The following MED27 variants were observed in gnomAD, a reference collection of about 807,000 sequenced individuals.
MED27 encodes mediator complex subunit 27, also known as mediator of RNA polymerase II transcription subunit 27.
A neutral mutation model predicts 38.2 loss-of-function variants in MED27; 30 were observed. That is an observed-to-expected ratio of 0.79 (90% confidence interval 0.59 to 1.07). The LOEUF (loss-of-function observed/expected upper bound fraction) is 1.07, where lower values mean the gene tolerates loss of function less well. MED27 is among the 50% of genes least tolerant of loss of function. The probability of loss-of-function intolerance (pLI) is 0.00; values close to 1 mark genes in which losing one functional copy is unlikely to be tolerated. For missense variants in MED27, 289 were observed against 397.5 expected, an observed-to-expected ratio of 0.73 and a Z score of 2.32; for synonymous variants, 122 against 153.5, an observed-to-expected ratio of 0.79 and a Z score of 1.52.
Position 131,949,738 on chromosome 9 carries a change from C to T in MED27, c.480-10264G>A, listed in dbSNP as rs1190424813. The stretch of plus-strand genomic sequence containing the variant: ...TATTCATGCAGTGCCTAAGTGAGCT[C>T]AGGGATGCAGTGATGACTAAGGCAG... On this transcript the variant is annotated intron_variant, in intron 3 of 7. Coordinates refer to ENST00000292035, the MANE Select transcript of MED27 (RefSeq NM_004269.4). Among the ~76,000 whole-genome samples the T allele has an allele frequency of 5.9e-5, 9 of 152,252 alleles. No individual in the cohort carries two copies. In the Middle Eastern group the frequency reaches 0.014, roughly 230 times the overall value.
chr9:131,927,566 T>A (rs1016532881), intron 4 of MED27, among the ~76,000 whole-genome samples: 1 of 152,186 alleles, frequency 6.6e-6, no homozygotes, highest in Admixed American at 6.5e-5. Context: ...TCTCCTCTCC[T>A]AAGAGTGAAC....
chr9:131,921,725 C>T (rs1304983020), intron 4 of MED27, among the ~76,000 whole-genome samples: 1 of 152,154 alleles, frequency 6.6e-6, no homozygotes, highest in Non-Finnish European at 1.5e-5. Flanking sequence ...CACATGCACA[C>T]GTATGTTTAC....
At chr9:131,890,773 C>A (rs1221698207) in intron 5 of MED27, among the ~76,000 whole-genome samples, 1 of 152,144 alleles carries the variant, frequency 6.6e-6, no homozygotes. Flanking sequence ...CTGTGGGCAA[C>A]GTTACCATTC....
intron 3 of MED27, among the ~76,000 whole-genome samples, chr9:131,978,567 T>G (rs1831660362): frequency 6.6e-6 from 1 of 152,216 alleles, no homozygotes; most frequent in Non-Finnish European, 1.5e-5. Context: ...ATATCTTAGA[T>G]TTGCTTTGAA....
intron 2 of MED27, chr9:132,032,197 C>A (rs1237625041): frequency 6.6e-6 from 1 of 152,168 alleles, no homozygotes; most frequent in Non-Finnish European, 1.5e-5. Context: ...GAACGTAATG[C>A]CAACCACCTT....
chr9:132,014,516 A>G (rs548421230), intron 2 of MED27, 49 bp from the exon 3 acceptor site: 27 of 1,585,482 alleles, frequency 1.7e-5, no homozygotes, highest in Admixed American at 3.5e-5. Context: ...CATTTGGTAA[A>G]AGTAGGACAA....
intron 4 of MED27, among the ~76,000 whole-genome samples, chr9:131,938,673 C>CG (rs1830725570): frequency 6.6e-6 from 1 of 152,004 alleles, no homozygotes; most frequent in Non-Finnish European, 1.5e-5. Context: ...TCTTCAAATA[C>CG]ATAATATTCT....
intron 4 of MED27, among the ~76,000 whole-genome samples, chr9:131,938,874 C>T (rs966268191): frequency 4.6e-5 from 7 of 151,994 alleles, no homozygotes; most frequent in Admixed American, 2.0e-4. Context: ...CCACCACACC[C>T]GGCTAATATT....
At chr9:131,943,068 A>G (rs1013109471) in intron 3 of MED27, among the ~76,000 whole-genome samples, 8 of 152,172 alleles carry the variant, frequency 5.3e-5, no homozygotes, top group Non-Finnish European at 1.2e-4. Context: ...AAACTCAAAG[A>G]CTGTATGAAG....
chr9:131,878,388 A>G (rs928412119), intron 6 of MED27, among the ~76,000 whole-genome samples: 3 of 152,230 alleles, frequency 2.0e-5, no homozygotes, highest in Non-Finnish European at 2.9e-5. Flanking sequence ...ATGACCCACC[A>G]TGCACAATCC....
At chr9:131,900,234 TC>T (rs1481599972) in intron 4 of MED27, among the ~76,000 whole-genome samples, 1 of 152,162 alleles carries the variant, frequency 6.6e-6, no homozygotes, top group Admixed American at 6.5e-5. Context: ...AGCCCCCCCA[TC>T]AGGTCAGCTG....
At chr9:131,959,188 G>C (rs1212747205) in intron 3 of MED27, among the ~76,000 whole-genome samples, 2 of 152,210 alleles carry the variant, frequency 1.3e-5, no homozygotes, top group South Asian at 4.1e-4. Flanking sequence ...AAGTAGGTGA[G>C]TTACTGGGCT....
intron 2 of MED27, among the ~76,000 whole-genome samples, chr9:132,057,817 A>G (rs1466415545): frequency 6.6e-6 from 1 of 152,188 alleles, no homozygotes; most frequent in African/African-American, 2.4e-5. Flanking sequence ...CGTGGTGACA[A>G]CAAAGGAGAC....
At chr9:131,937,778 G>C (rs1315158491) in intron 4 of MED27, among the ~76,000 whole-genome samples, 1 of 151,962 alleles carries the variant, frequency 6.6e-6, no homozygotes. Flanking sequence ...TCAACTGCTA[G>C]GTCTGGGGTA....
At chr9:132,002,941 A>C (rs866887702) in intron 3 of MED27, among the ~76,000 whole-genome samples, 1 of 151,552 alleles carries the variant, frequency 6.6e-6, no homozygotes, top group Admixed American at 6.6e-5. Flanking sequence ...AAAAAGAAAA[A>C]GAAAAGAAAC....
intron 2 of MED27, among the ~76,000 whole-genome samples, chr9:132,018,851 G>C (rs541370295): frequency 2.6e-5 from 4 of 152,104 alleles, no homozygotes; most frequent in East Asian, 3.9e-4. Context: ...TTCACCAAAG[G>C]CTTCTTTAAG....
At chr9:131,920,747 G>C (rs1297696291) in intron 4 of MED27, among the ~76,000 whole-genome samples, 1 of 152,128 alleles carries the variant, frequency 6.6e-6, no homozygotes, top group Non-Finnish European at 1.5e-5. Context: ...GGAAACCTTT[G>C]GCCAAAGGCC....
At chr9:132,034,668 T>G (rs999911631) in intron 2 of MED27, among the ~76,000 whole-genome samples, 5 of 152,122 alleles carry the variant, frequency 3.3e-5, no homozygotes, top group African/African-American at 1.2e-4. Flanking sequence ...AGCAATCTCA[T>G]GTAATTCAGG....
At chr9:132,039,366 G>A (rs1047151054) in intron 2 of MED27, among the ~76,000 whole-genome samples, 3 of 152,110 alleles carry the variant, frequency 2.0e-5, no homozygotes, top group African/African-American at 7.2e-5. Flanking sequence ...AAGTGAGAAC[G>A]ATAATAATAA....
Sources: allele counts gnomAD v4.1 joint callset (sites outside exome capture counted in the v4.1 genomes callset), GRCh38; gene constraint gnomAD v4.1.1; transcripts MANE v1.5; gene names NCBI Gene and HGNC (gene_info 2026-07-23, HGNC 2026-07-21).